BTBD9: variants seen among roughly 807,000 people sequenced by gnomAD.
BTBD9 encodes BTB domain containing 9, also known as BTB/POZ domain-containing protein 9.
In BTBD9, 49 loss-of-function variants were observed where a neutral mutation model predicts 64.3. That is an observed-to-expected ratio of 0.76 (90% CI 0.61 to 0.97). The LOEUF (loss-of-function observed/expected upper bound fraction) is 0.97. BTBD9 is among the 50% of genes least tolerant of loss of function. The probability of loss-of-function intolerance (pLI) is 0.00; values close to 1 mark genes in which losing one functional copy is unlikely to be tolerated. For missense variants in BTBD9, 598 were observed against 762.1 expected (o/e 0.78, Z 2.53); for synonymous variants, 260 against 274.7 (o/e 0.95, Z 0.53).
intron 8 of BTBD9, among the ~76,000 whole-genome samples, chr6:38,284,377 G>A (rs890946701): frequency 6.6e-6 from 1 of 152,094 alleles, no homozygotes; most frequent in Non-Finnish European, 1.5e-5. Context: ...CTTGTCTTAA[G>A]CCCCAGTGAC....
At chr6:38,205,136 T>C (rs898525601) in intron 9 of BTBD9, among the ~76,000 whole-genome samples, 1 of 152,090 alleles carries the variant, frequency 6.6e-6, no homozygotes, top group African/African-American at 2.4e-5. Flanking sequence ...GTAAGAAATA[T>C]GATGTTCCAG....
intron 6 of BTBD9, among the ~76,000 whole-genome samples, chr6:38,383,672 G>C (rs1248323034): frequency 6.6e-6 from 1 of 152,154 alleles, no homozygotes; most frequent in African/African-American, 2.4e-5. Flanking sequence ...AAAGTAAATG[G>C]AGGAACACAC....
chr6:38,473,992 A>T (rs1770767161), intron 6 of BTBD9, among the ~76,000 whole-genome samples: 1 of 152,184 alleles, frequency 6.6e-6, no homozygotes, highest in Admixed American at 6.5e-5. Context: ...ACATTTTAGG[A>T]AAATGCACAA....
intron 1 of BTBD9, among the ~76,000 whole-genome samples, chr6:38,636,625 C>T (rs1437741774): frequency 6.6e-6 from 1 of 152,106 alleles, no homozygotes; most frequent in Non-Finnish European, 1.5e-5. Flanking sequence ...TCCCATTGTC[C>T]AACATTTCTC....
intron 6 of BTBD9, among the ~76,000 whole-genome samples, chr6:38,505,957 G>A (rs1352204419): frequency 7.2e-5 from 1 of 13,972 alleles, no homozygotes; most frequent in Non-Finnish European, 2.7e-4. Flanking sequence ...GCATGGCTCC[G>A]TCTCAACAAA....
At chr6:38,211,674 G>A (rs557634253) in intron 9 of BTBD9, among the ~76,000 whole-genome samples, 2 of 152,094 alleles carry the variant, frequency 1.3e-5, no homozygotes, top group South Asian at 2.1e-4. Context: ...AACCCAGGAG[G>A]TGGAGGTTGC....
rs547538474 is a variant in BTBD9 at position 38,231,465 on chromosome 6, G to A, written c.1562+24944C>T. Among the ~76,000 whole-genome samples the A allele has an allele frequency of 3.3e-5, 5 of 152,246 alleles. No homozygotes were observed. The South Asian group carries it at 1.0e-3, about 32-fold the overall frequency. ...GCTGCTTAATCAGATAAAGTTCATG[G>A]CAATGTCTCTAACTCCTTCATTTAT... On this transcript the variant is annotated intron_variant, in intron 9 of 10. Coordinates refer to ENST00000481247, the MANE Select transcript of BTBD9 (RefSeq NM_001099272.2).
chr6:38,563,889 A>C (rs1314125545), intron 6 of BTBD9, among the ~76,000 whole-genome samples: 1 of 143,262 alleles, frequency 7.0e-6, no homozygotes, highest in Non-Finnish European at 1.5e-5. Context: ...CCATGCCATT[A>C]TCCTTCCTCA....
At chr6:38,480,148 A>AGT (rs1273057538) in intron 6 of BTBD9, among the ~76,000 whole-genome samples, 1 of 152,202 alleles carries the variant, frequency 6.6e-6, no homozygotes, top group Non-Finnish European at 1.5e-5. Flanking sequence ...TTGAGGGGAG[A>AGT]GTGTACTCTT....
At chr6:38,197,345 A>G (rs1401681396) in intron 9 of BTBD9, among the ~76,000 whole-genome samples, 1 of 152,198 alleles carries the variant, frequency 6.6e-6, no homozygotes, top group Non-Finnish European at 1.5e-5. Flanking sequence ...AATGACTGTG[A>G]GCTTAGTTTC....
At chr6:38,431,810 C>T (rs1024230951) in intron 6 of BTBD9, among the ~76,000 whole-genome samples, 12 of 151,982 alleles carry the variant, frequency 7.9e-5, no homozygotes, top group African/African-American at 2.9e-4. Flanking sequence ...GAGTGAAACA[C>T]TTTTTTAGTT....
intron 9 of BTBD9, among the ~76,000 whole-genome samples, chr6:38,209,757 G>T (rs571405651): frequency 1.3e-5 from 2 of 152,330 alleles, no homozygotes; most frequent in African/African-American, 4.8e-5. Context: ...CCCGACTACA[G>T]TCCGCTTCCA....
chr6:38,348,921 T>C (rs1302008767), intron 6 of BTBD9, among the ~76,000 whole-genome samples: 1 of 152,186 alleles, frequency 6.6e-6, no homozygotes, highest in African/African-American at 2.4e-5. Context: ...TATGCATATA[T>C]TTTTTGAGAC....
chr6:38,622,278 C>T (rs1778012498), intron 1 of BTBD9, among the ~76,000 whole-genome samples: 1 of 152,190 alleles, frequency 6.6e-6, no homozygotes, highest in Non-Finnish European at 1.5e-5. Flanking sequence ...ATGCCTAAGT[C>T]AAGGGGATTT....
intron 9 of BTBD9, among the ~76,000 whole-genome samples, chr6:38,241,136 C>T (rs758115306): frequency 6.6e-6 from 1 of 152,150 alleles, no homozygotes; most frequent in Non-Finnish European, 1.5e-5. Context: ...TTCTATTAAG[C>T]TTATATGTCC....
At chr6:38,363,125 G>A (rs1765038094) in intron 6 of BTBD9, among the ~76,000 whole-genome samples, 3 of 151,988 alleles carry the variant, frequency 2.0e-5, no homozygotes, top group Admixed American at 2.0e-4. Flanking sequence ...ATCTTGCTCT[G>A]TTGCCCAGGC....
intron 6 of BTBD9, among the ~76,000 whole-genome samples, chr6:38,425,681 C>T (rs979074576): frequency 2.0e-5 from 3 of 151,092 alleles, no homozygotes; most frequent in Non-Finnish European, 2.9e-5. Flanking sequence ...TGAGGTGGGT[C>T]CTCCTCACTT....
intron 6 of BTBD9, among the ~76,000 whole-genome samples, chr6:38,400,418 A>C (rs1032124412): frequency 5.3e-5 from 8 of 152,258 alleles, no homozygotes; most frequent in African/African-American, 1.9e-4. Flanking sequence ...ACTAATCTGA[A>C]AAATCACTCA....
intron 6 of BTBD9, among the ~76,000 whole-genome samples, chr6:38,536,959 C>CTTTT (rs952807209): frequency 3.3e-5 from 5 of 151,668 alleles, no homozygotes; most frequent in African/African-American, 1.2e-4. Context: ...TTTAAAATGG[C>CTTTT]TAAAAGAGTA....
Sources: gnomAD v4.1 joint callset for allele counts (sites outside exome capture counted in the v4.1 genomes callset) on GRCh38, gnomAD v4.1.1 for gene constraint, MANE v1.5 for transcripts, NCBI Gene and HGNC (gene_info 2026-07-23, HGNC 2026-07-21) for gene names.